Variants in VWA8 observed in about 807,000 individuals in gnomAD.
VWA8 encodes von Willebrand factor A domain containing 8.
VWA8 carries 221 observed loss-of-function variants against 241.5 expected under a neutral mutation model. The observed-to-expected ratio is 0.91, with a 90% CI of 0.82 to 1.02. The LOEUF is 1.02. Among genes scored for constraint, VWA8 ranks in the 50% least tolerant of loss-of-function variants. VWA8 has a pLI of 0.00. For synonymous variants in VWA8, 852 were observed against 827.1 expected (o/e 1.03, Z -0.52); for missense variants, 2,322 against 2,328.7 (o/e 1.00, Z 0.06).
intron 4 of VWA8, among the ~76,000 whole-genome samples, chr13:41,903,429 C>T (rs1466677801): frequency 6.6e-6 from 1 of 152,010 alleles, no homozygotes; most frequent in East Asian, 1.9e-4. Context: ...AGCCAACAAA[C>T]ATGGGAGCAG....
rs368195371 is a variant in VWA8 at position 41,761,294 on chromosome 13, G to A, written c.2350-90C>T. ...TCAGAAGAATCTTTTACCAAAACCT[G>A]CTTTCTCACCTTGTTACTGTTTTAG... On this transcript the variant is annotated intron_variant, in intron 20 of 44. Transcript: ENST00000379310. 8.7e-4 allele frequency: 1,083 copies of A among 1,239,414 alleles called. No homozygotes were observed. The African/African-American group carries it at 9.6e-3, about 11-fold the overall frequency. The allele number at this position is 1,239,414 out of a possible 1,614,324, so 76.8% of individuals were successfully genotyped here.
chr13:41,886,078 G>A lies in VWA8; in HGVS notation c.867-50C>T, dbSNP rs112538747. 1,532 of 1,261,540 alleles carry A rather than the reference G, an allele frequency of 1.2e-3. 21 individuals carry two copies. The African/African-American group carries it at 0.021, about 17-fold the overall frequency. The allele number at this position is 1,261,540 out of a possible 1,614,324, so 78.1% of individuals were successfully genotyped here. ...TTAATAGTTTTAAAATATAAAATGT[G>A]TAAGTTGTTAAATATAAAATACAGG... On this transcript the variant is annotated intron_variant, in intron 7 of 44. Transcript: ENST00000379310.
intron 17 of VWA8, among the ~76,000 whole-genome samples, chr13:41,801,623 T>C (rs1299968563): frequency 6.6e-6 from 1 of 152,238 alleles, no homozygotes; most frequent in Non-Finnish European, 1.5e-5. Context: ...GTAAATTTAA[T>C]TCTGTAAGAA....
Position 41,739,848 on chromosome 13 carries a change from G to GTTTTTTTTTTTTTTTTT in VWA8, c.2427-7694_2427-7693insAAAAAAAAAAAAAAAAA, listed in dbSNP as rs1179107917. Reference sequence around the variant, plus strand: ...TTTTGTTTTTTTTTTTGTTTTTTTTGTTTTTTTTGTTTTTTTTTTTTTTTG... The same window carrying GTTTTTTTTTTTTTTTTT: ...TTTTGTTTTTTTTTTTGTTTTTTTTGTTTTTTTTTTTTTTTTTTTTTTTTTGTTTTTTTTTTTTTTTG... On this transcript the variant is annotated intron_variant, in intron 21 of 44. Transcript: ENST00000379310. Among the ~76,000 whole-genome samples, 3 of 50,896 alleles carry GTTTTTTTTTTTTTTTTT rather than the reference G, an allele frequency of 5.9e-5. 1 individual carries two copies. Among genetic ancestry groups the GTTTTTTTTTTTTTTTTT allele is most frequent in the Admixed American group, 1.9e-4 (1 of 5,292 alleles). The allele number at this position is 50,896 out of a possible 152,430, so 33.4% of individuals were successfully genotyped here. A position where few individuals can be genotyped will look rare whatever the true frequency, so the allele number is the denominator to read the frequency against.
At position 41,711,607 on chromosome 13, in the gene VWA8, G is replaced by A. The variant is rs531631862; in HGVS notation, c.3116+7984C>T. ...AAGAAATTTCAGGCCGGGCATGGTG[G>A]CTCATGCCTGTAATCCCAGCACTTT... On this transcript the variant is annotated intron_variant, in intron 26 of 44. Coordinates refer to ENST00000379310, the MANE Select transcript of VWA8 (RefSeq NM_015058.2). Among the ~76,000 whole-genome samples, 19 of 152,306 alleles carry A rather than the reference G, an allele frequency of 1.2e-4. 1 individual carries two copies. Among genetic ancestry groups the A allele is most frequent in the African/African-American group, 4.6e-4 (19 of 41,564 alleles).
At chr13:41,676,176 C>T (rs2045058997) in intron 35 of VWA8, among the ~76,000 whole-genome samples, 1 of 152,088 alleles carries the variant, frequency 6.6e-6, no homozygotes, top group South Asian at 2.1e-4. Context: ...ATATAGGTGC[C>T]AAGCTGACAA....
intron 14 of VWA8, among the ~76,000 whole-genome samples, chr13:41,827,126 T>C (rs1335275120): frequency 6.6e-6 from 1 of 152,182 alleles, no homozygotes; most frequent in African/African-American, 2.4e-5. Flanking sequence ...CATATGTAAG[T>C]AATTATTAAC....
At chr13:41,713,001 T>G (rs2045327987) in intron 26 of VWA8, among the ~76,000 whole-genome samples, 1 of 152,248 alleles carries the variant, frequency 6.6e-6, no homozygotes, top group African/African-American at 2.4e-5. Context: ...TGCATAAACT[T>G]ACTTATGCAT....
In VWA8 at chr13:41,685,226, T is replaced by G; in HGVS notation, c.4148A>C (p.Tyr1383Ser). 6.2e-7 allele frequency: 1 copy of G among 1,612,204 alleles called. No individual in the cohort carries two copies. The highest frequency in any genetic ancestry group is 8.5e-7 in the Non-Finnish European group (1 of 1,179,320). The change falls in exon 35 of 45, where the codon TAT becomes TCT. Residue 1383 changes from tyrosine to serine, a missense_variant. Tyr to Ser is a moderately radical substitution (Grantham distance 144). Coordinates refer to ENST00000379310, the MANE Select transcript of VWA8 (RefSeq NM_015058.2). The stretch of plus-strand genomic sequence containing the variant: ...CAAAGATGATGGTCTCTTCCAAGAA[T>G]AAACTTCACTGGGTGACTGAAAAAA... Reference protein sequence around the residue: ...FPDLMSPSEVYSWKRPSSLHK... With the variant: ...FPDLMSPSEVSSWKRPSSLHK...
At chr13:41,783,664 A>G (rs1869003423) in intron 19 of VWA8, 131 bp downstream of exon 19, 1 of 640,304 alleles carries the variant, frequency 1.6e-6, no homozygotes, top group African/African-American at 1.9e-5. Flanking sequence ...AAGATGTTCA[A>G]CACTTCATTT....
At chr13:41,713,415 A>ATAAAAATAT (rs1306783343) in intron 26 of VWA8, among the ~76,000 whole-genome samples, 1 of 152,224 alleles carries the variant, frequency 6.6e-6, no homozygotes, top group Non-Finnish European at 1.5e-5. Flanking sequence ...ATTATATTTA[A>ATAAAAATAT]TAAAAATATT....
At chr13:41,849,379 C>A (rs977568601) in intron 12 of VWA8, among the ~76,000 whole-genome samples, 2 of 151,970 alleles carry the variant, frequency 1.3e-5, no homozygotes, top group African/African-American at 2.4e-5. Flanking sequence ...CAAAGTTATA[C>A]CCTTCATTAT....
At chr13:41,869,229 G>T (rs944287436) in intron 9 of VWA8, among the ~76,000 whole-genome samples, 3 of 152,108 alleles carry the variant, frequency 2.0e-5, no homozygotes, top group Admixed American at 6.5e-5. Flanking sequence ...CCATCATTCT[G>T]CTGTCAGCTA....
intron 4 of VWA8, 102 bp downstream of exon 4, chr13:41,907,484 C>T: frequency 1.0e-6 from 1 of 972,374 alleles, no homozygotes; most frequent in Non-Finnish European, 1.6e-6. Context: ...CACAATACAA[C>T]TACCTTTTAC....
chr13:41,761,124 TTACCTG>T lies in VWA8; in HGVS notation c.2424_2426+3del. 2 of 1,610,698 alleles carry T rather than the reference TTACCTG, an allele frequency of 1.2e-6. No individual in the cohort carries two copies. Among genetic ancestry groups the T allele is most frequent in the Non-Finnish European group, 1.7e-6 (2 of 1,177,970 alleles). ...TTAAGAGGTTGTGGGTCTAATAGTCTTACCTGTGTAGCTGAATATATTCTCGGGGTC... is the reference window on the plus strand; with the variant it reads ...TTAAGAGGTTGTGGGTCTAATAGTCTTGTAGCTGAATATATTCTCGGGGTC... On this transcript the variant is annotated splice_donor_variant and splice_donor_region_variant and coding_sequence_variant and intron_variant, in exon 21 of 45. Coordinates refer to ENST00000379310, the MANE Select transcript of VWA8 (RefSeq NM_015058.2). LOFTEE classifies it high-confidence loss of function.
At chr13:41,858,411 G>A (rs1005048965) in intron 12 of VWA8, among the ~76,000 whole-genome samples, 1 of 152,112 alleles carries the variant, frequency 6.6e-6, no homozygotes, top group Non-Finnish European at 1.5e-5. Context: ...TTTGAGACCA[G>A]CCTGGCCAAC....
At chr13:41,720,986 T>C (rs1332983152) in intron 25 of VWA8, among the ~76,000 whole-genome samples, 1 of 152,198 alleles carries the variant, frequency 6.6e-6, no homozygotes, top group Non-Finnish European at 1.5e-5. Context: ...CTCTGTTTAC[T>C]GTTGTCTCCA....
At chr13:41,640,797 C>G (rs12877633) in intron 37 of VWA8, among the ~76,000 whole-genome samples, 4,930 of 152,008 alleles carry the variant, frequency 0.032, 89 homozygotes, top group South Asian at 0.078. Flanking sequence ...CAATTAACAA[C>G]AAAAAAAGCA....
intron 2 of VWA8, among the ~76,000 whole-genome samples, chr13:41,918,149 T>C (rs1030040778): frequency 1.3e-5 from 2 of 152,118 alleles, no homozygotes; most frequent in South Asian, 2.1e-4. Flanking sequence ...GCACCAAGAA[T>C]ACAAAGATGA....
Sources: gnomAD v4.1 joint callset for allele counts (sites outside exome capture counted in the v4.1 genomes callset) on GRCh38, gnomAD v4.1.1 for gene constraint, MANE v1.5 for transcripts, NCBI Gene and HGNC (gene_info 2026-07-23, HGNC 2026-07-21) for gene names.